Variants in KMT5C observed in about 807,000 individuals in gnomAD.
KMT5C encodes the protein histone-lysine N-methyltransferase KMT5C.
In KMT5C, 16 loss-of-function variants were observed where a neutral mutation model predicts 38.2. The observed-to-expected ratio is 0.42, with a 90% CI of 0.28 to 0.64. KMT5C has a LOEUF of 0.64. KMT5C is among the 30% of genes least tolerant of loss of function. The pLI, the probability that KMT5C is intolerant of heterozygous loss-of-function variation, is 0.23. For missense variants in KMT5C, 598 were observed against 665.1 expected (o/e 0.90, Z 1.11); for synonymous variants, 291 against 279.0 (o/e 1.04, Z -0.43).
chr19:55,347,096 C>A lies in KMT5C; in HGVS notation c.1036C>A (p.Leu346Ile). 1 of 1,566,598 alleles carries A rather than the reference C, an allele frequency of 6.4e-7. No homozygotes were observed. The change falls in exon 9 of 9, where the codon CTC becomes ATC. Residue 346 changes from leucine (L) to isoleucine (I), a missense_variant. Around this residue, in one of 3 missense-constraint regions of KMT5C, gnomAD observed 326 missense variants for 298.1 expected, o/e 1.09. Coordinates refer to ENST00000255613, the MANE Select transcript of KMT5C (RefSeq NM_032701.4). This position sits in a 1 kb window ranked among gnomAD's most constrained non-coding sequence, Gnocchi z 4.6. ...RRPRPRRAPV[L>I]STHHAARVSL... Reference sequence around the variant, plus strand: ...CCCCCGGCCCCGGAGGGCCCCAGTGCTCTCCACCCACCACGCTGCCCGCGT... The same window carrying A: ...CCCCCGGCCCCGGAGGGCCCCAGTGATCTCCACCCACCACGCTGCCCGCGT...
At chr19:55,341,526 T>G in intron 1 of KMT5C, 1 of 185,166 alleles carries the variant, frequency 5.4e-6, no homozygotes, top group South Asian at 9.6e-5. Context: ...CAGTCAGCCT[T>G]CTCTGGGCCC....
chr19:55,346,939 C>A lies in KMT5C; in HGVS notation c.896-17C>A. 1 of 866,500 alleles carries A rather than the reference C, an allele frequency of 1.2e-6. No individual in the cohort carries two copies. Among genetic ancestry groups the A allele is most frequent in the Non-Finnish European group, 1.9e-6 (1 of 524,254 alleles). The allele number at this position is 866,500 out of a possible 1,614,324, so 53.7% of individuals were successfully genotyped here. ...TCTCCTTTGTTCCTCCTCTCCCTGC[C>A]ACCTGGGCCTTCACAGCCGCCTGCC... On this transcript the variant is annotated splice_polypyrimidine_tract_variant and intron_variant, in intron 8 of 8. Transcript: ENST00000255613.
At position 55,342,397 on chromosome 19, in the gene KMT5C, C is replaced by T; in HGVS notation, c.276+17C>T. 6.9e-7 allele frequency: 1 copy of T among 1,457,700 alleles called. No homozygotes were observed. The highest frequency in any genetic ancestry group is 9.1e-7 in the Non-Finnish European group (1 of 1,103,196). The allele number at this position is 1,457,700 out of a possible 1,614,324, so 90.3% of individuals were successfully genotyped here. ...AAGACCCACGTGAGGGCGCCCTCCCCTCCCCCGCCCTCACCGCGTGTCCTC... is the reference window on the plus strand; with the variant it reads ...AAGACCCACGTGAGGGCGCCCTCCCTTCCCCCGCCCTCACCGCGTGTCCTC... On this transcript the variant is annotated intron_variant, in intron 3 of 8. Transcript: ENST00000255613.
At chr19:55,346,743 C>T (rs796316401) in intron 8 of KMT5C, 56 bp downstream of exon 8, 2 of 1,398,168 alleles carry the variant, frequency 1.4e-6, no homozygotes, top group African/African-American at 1.4e-5. Context: ...TCCTGGTCAT[C>T]TGTCTCCTTT....
intron 6 of KMT5C, 96 bp from the exon 7 acceptor site, chr19:55,346,117 A>G: frequency 6.8e-7 from 1 of 1,473,362 alleles, no homozygotes; most frequent in African/African-American, 1.4e-5. Flanking sequence ...ATTCCAGGAG[A>G]GGACGCTCCG....
chr19:55,347,168 G>A lies in KMT5C; in HGVS notation c.1108G>A (p.Gly370Arg). The change falls in exon 9 of 9, where the codon GGA becomes AGA. Residue 370 changes from glycine (G) to arginine (R), a missense_variant. Physicochemically the swap from Gly to Arg is moderately radical, Grantham distance 125. This residue lies in a region of KMT5C where 326 missense variants were observed against 298.1 expected (regional missense o/e 1.09). Coordinates refer to ENST00000255613, the MANE Select transcript of KMT5C (RefSeq NM_032701.4). The surrounding 1 kb of genome is among the most constrained non-coding windows in gnomAD (Gnocchi z 4.6). ...GGCGPHCRLR[G>R]EALVALGQPP... ...CTGTGGCCCCCACTGCCGCCTGCGA[G>A]GAGAGGCCCTGGTGGCCCTGGGCCA... is the stretch of plus-strand genomic sequence containing the variant. 1 of 1,536,760 alleles carries A rather than the reference G, an allele frequency of 6.5e-7. No homozygotes were observed. Among genetic ancestry groups the A allele is most frequent in the Non-Finnish European group, 8.7e-7 (1 of 1,146,914 alleles).
chr19:55,341,890 C>T lies in KMT5C; in HGVS notation c.-47C>T, dbSNP rs753431372. The T allele has an allele frequency of 6.6e-7, 1 of 1,514,518 alleles. No homozygotes were observed. Among genetic ancestry groups the T allele is most frequent in the African/African-American group, 1.4e-5 (1 of 73,050 alleles). The allele number at this position is 1,514,518 out of a possible 1,614,324, so 93.8% of individuals were successfully genotyped here. A position where few individuals can be genotyped will look rare whatever the true frequency, so the allele number is the denominator to read the frequency against. ...AGGCTCCCCGCGCCTGCCTTGCCCT[C>T]ACCTGCTCCTGCTCTCTGCCAGAGG... On this transcript the variant is annotated 5_prime_UTR_variant, in exon 2 of 9. Coordinates refer to ENST00000255613, the MANE Select transcript of KMT5C (RefSeq NM_032701.4).
chr19:55,346,084 T>G, intron 6 of KMT5C, 129 bp from the exon 7 acceptor site: 25 of 1,135,852 alleles, frequency 2.2e-5, no homozygotes, highest in Non-Finnish European at 3.0e-5. Context: ...GAATGCCACT[T>G]TTAGGGGCTC....
At position 55,347,119 on chromosome 19, in the gene KMT5C, C is replaced by T. The variant is rs748167872; in HGVS notation, c.1059C>T (p.Arg353=). 51 of 1,547,594 alleles carry T rather than the reference C, an allele frequency of 3.3e-5. No individual in the cohort carries two copies. The highest frequency in any genetic ancestry group is 5.7e-5 in the Admixed American group (3 of 52,294). Residue 353 remains arginine (R), a synonymous_variant, in exon 9 of 9, where the codon CGC becomes CGT. Transcript: ENST00000255613. This position sits in a 1 kb window ranked among gnomAD's most constrained non-coding sequence, Gnocchi z 4.6. ...APVLSTHHAA[R]VSLHRWGGCG... ...TGCTCTCCACCCACCACGCTGCCCGCGTCTCCCTGCACCGATGGGGAGGCT... is the reference window on the plus strand; with the variant it reads ...TGCTCTCCACCCACCACGCTGCCCGTGTCTCCCTGCACCGATGGGGAGGCT...
intron 3 of KMT5C, 166 bp from the exon 4 acceptor site, chr19:55,342,576 T>A (rs2089571979): frequency 3.1e-6 from 2 of 641,042 alleles, no homozygotes; most frequent in South Asian, 1.8e-5. Context: ...TGAGATGTAG[T>A]CCAACCTCTT....
In KMT5C at chr19:55,347,203, C is replaced by A. The variant is rs1022746003; in HGVS notation, c.1143C>A (p.His381Gln). 1.3e-6 allele frequency: 2 copies of A among 1,538,854 alleles called. No homozygotes were observed. The highest frequency in any genetic ancestry group is 1.7e-6 in the Non-Finnish European group (2 of 1,146,770). The change falls in exon 9 of 9, where the codon CAC becomes CAA. Residue 381 changes from histidine to glutamine, a missense_variant. Physicochemically the swap from His to Gln is conservative, Grantham distance 24. Around this residue, in one of 3 missense-constraint regions of KMT5C, gnomAD observed 326 missense variants for 298.1 expected, o/e 1.09. Transcript: ENST00000255613. This position sits in a 1 kb window ranked among gnomAD's most constrained non-coding sequence, Gnocchi z 4.6. ...TGGTGGCCCTGGGCCAGCCCCCCCA[C>A]GCCCGCTGGGCCCCTCAGCAGGACT... ...EALVALGQPP[H>Q]ARWAPQQDWH...
At chr19:55,344,355 CTG>C (rs2089593634) in intron 6 of KMT5C, 2 of 271,950 alleles carry the variant, frequency 7.4e-6, no homozygotes, top group Non-Finnish European at 1.4e-5. Flanking sequence ...GAGCGAGACT[CTG>C]TCTCAAAAAA....
chr19:55,346,569 C>T lies in KMT5C; in HGVS notation c.777C>T (p.Tyr259=), dbSNP rs2089620112. The T allele has an allele frequency of 3.8e-6, 6 of 1,591,748 alleles. No individual in the cohort carries two copies. The highest frequency in any genetic ancestry group is 5.1e-6 in the Non-Finnish European group (6 of 1,169,808). The change falls in exon 8 of 9, where the codon TAC becomes TAT. Residue 259 remains tyrosine, a synonymous_variant. Coordinates refer to ENST00000255613, the MANE Select transcript of KMT5C (RefSeq NM_032701.4). ...PALPPRPLDK[Y]QLRETKRRLQ... ...TGCCACCACGGCCCCTGGACAAGTA[C>T]CAGCTGCGTGAGACCAAGCGGCGGC...
At position 55,347,042 on chromosome 19, in the gene KMT5C, C is replaced by T. The variant is rs766498910; in HGVS notation, c.982C>T (p.Pro328Ser). Reference protein sequence around the residue: ...LWLQWLPQPQPRVRPRKRRRP... With the variant: ...LWLQWLPQPQSRVRPRKRRRP... The stretch of plus-strand genomic sequence containing the variant: ...GCTCCAGTGGCTGCCTCAGCCCCAG[C>T]CCCGAGTGCGGCCCCGGAAGCGCCG... Residue 328 changes from proline to serine, a missense_variant, in exon 9 of 9, where the codon CCC becomes TCC. Physicochemically the swap from Pro to Ser is moderately conservative, Grantham distance 74. This residue lies in a region of KMT5C where 326 missense variants were observed against 298.1 expected (regional missense o/e 1.09). Transcript: ENST00000255613. The surrounding 1 kb of genome is among the most constrained non-coding windows in gnomAD (Gnocchi z 4.6). The T allele has an allele frequency of 1.2e-5, 18 of 1,541,444 alleles. No homozygotes were observed. The Admixed American group carries it at 2.2e-4, about 19-fold the overall frequency.
rs911488999 is a variant in KMT5C, at chr19:55,346,482, C to T, written c.708-18C>T. ...TCCCTTCCACCCGGCCTCATCTCCC[C>T]TTCACCCGGTCTCCCAGGAAAGGTG... On this transcript the variant is annotated intron_variant, in intron 7 of 8. Coordinates refer to ENST00000255613, the MANE Select transcript of KMT5C (RefSeq NM_032701.4). The T allele has an allele frequency of 1.6e-5, 26 of 1,591,868 alleles. No individual in the cohort carries two copies. The highest frequency in any genetic ancestry group is 2.2e-5 in the Non-Finnish European group (26 of 1,169,508).
At chr19:55,346,095 A>T (rs998397771) in intron 6 of KMT5C, 118 bp from the exon 7 acceptor site, 40 of 1,249,244 alleles carry the variant, frequency 3.2e-5, no homozygotes, top group Admixed American at 4.1e-5. Context: ...TTAGGGGCTC[A>T]GCTGTTGCCC....
rs769597636 is a variant in KMT5C at position 55,346,356 on chromosome 19, C to T, written c.707+7C>T. 6.8e-6 allele frequency: 11 copies of T among 1,613,954 alleles called. No individual in the cohort carries two copies. The Admixed American group carries it at 1.8e-4, about 27-fold the overall frequency. On this transcript the variant is annotated splice_region_variant and intron_variant, in intron 7 of 8. Coordinates refer to ENST00000255613, the MANE Select transcript of KMT5C (RefSeq NM_032701.4). ...AATGCCACACCTGTGAGAGGTGGGA[C>T]CGGGCGAGAGGCGGCTGGGTTCGGG...
In KMT5C at chr19:55,343,936, C is replaced by T; in HGVS notation, c.551-42C>T. The T allele has an allele frequency of 1.9e-6, 3 of 1,608,942 alleles. No homozygotes were observed. The highest frequency in any genetic ancestry group is 2.2e-5 in the East Asian group (1 of 44,722). ...AGGGTTCTGCGACTGAGCTGCCGAGCTCATCTACCTCTCTTCTCTCTCCTG... is the reference window on the plus strand; with the variant it reads ...AGGGTTCTGCGACTGAGCTGCCGAGTTCATCTACCTCTCTTCTCTCTCCTG... On this transcript the variant is annotated intron_variant, in intron 5 of 8. Coordinates refer to ENST00000255613, the MANE Select transcript of KMT5C (RefSeq NM_032701.4). The surrounding 1 kb of genome is among the most constrained non-coding windows in gnomAD (Gnocchi z 5.5).
At chr19:55,342,189 G>A in intron 2 of KMT5C, 26 bp from the exon 3 acceptor site, 2 of 1,605,140 alleles carry the variant, frequency 1.2e-6, no homozygotes, top group Non-Finnish European at 1.7e-6. Context: ...GAAGGCCCTG[G>A]GACCCAGGCA....
Sources: allele counts gnomAD v4.1 joint callset, GRCh38; gene constraint gnomAD v4.1.1; regional missense constraint gnomAD v4.1.1; non-coding constraint Gnocchi (gnomAD v3.1); transcripts MANE v1.5; gene names NCBI Gene and HGNC (gene_info 2026-07-23, HGNC 2026-07-21).